The following DOK6 variants were observed in gnomAD, a reference collection of about 807,000 sequenced individuals.
The protein encoded by DOK6 is downstream of tyrosine kinase 6.
DOK6 carries 22 observed loss-of-function variants against 44.0 expected under a neutral mutation model. The observed-to-expected ratio is 0.50, with a 90% CI of 0.36 to 0.71. The LOEUF (loss-of-function observed/expected upper bound fraction) is 0.71, where lower values mean the gene tolerates loss of function less well. DOK6 is among the 30% of genes least tolerant of loss of function. DOK6 has a pLI of 0.00. For synonymous variants in DOK6, 166 were observed against 145.5 expected (o/e 1.14, Z -1.01); for missense variants, 340 against 416.4 (o/e 0.82, Z 1.60).
chr18:69,408,553 G>T (rs1442794675), intron 1 of DOK6, among the ~76,000 whole-genome samples: 1 of 151,994 alleles, frequency 6.6e-6, no homozygotes, highest in East Asian at 1.9e-4. Flanking sequence ...CTTTATTTAT[G>T]GAAGATGATA....
chr18:69,705,417 G>A (rs982378495), intron 5 of DOK6, among the ~76,000 whole-genome samples: 2 of 152,026 alleles, frequency 1.3e-5, no homozygotes, highest in African/African-American at 4.8e-5. Flanking sequence ...TGCTCTGATT[G>A]TTTATTTCTT....
rs1198897594 is a variant in DOK6, at chr18:69,446,254, T to G, written c.66+44944T>G. On this transcript the variant is annotated intron_variant, in intron 1 of 7. Transcript: ENST00000382713. Reference sequence around the variant, plus strand: ...CCAGTGTGTGATGTTCCCCTTCCTGTGTCCAAGTGTTCTCATTGTTCAATT... The same window carrying G: ...CCAGTGTGTGATGTTCCCCTTCCTGGGTCCAAGTGTTCTCATTGTTCAATT... Among the ~76,000 whole-genome samples, 3 of 135,942 alleles carry G rather than the reference T, an allele frequency of 2.2e-5. No individual in the cohort carries two copies. The East Asian group carries it at 7.2e-4, about 32-fold the overall frequency. 89.2% of individuals were successfully genotyped at this position (135,942 alleles called of 152,430 possible). A position where few individuals can be genotyped will look rare whatever the true frequency, so the allele number is the denominator to read the frequency against.
intron 7 of DOK6, among the ~76,000 whole-genome samples, chr18:69,832,285 T>C (rs2217904): frequency 0.86 from 131,579 of 152,146 alleles, 58,805 homozygotes; most frequent in Non-Finnish European, 0.98. Context: ...TCTATTAAAA[T>C]GATCTAGTTT....
chr18:69,425,962 G>C (rs553994838), intron 1 of DOK6, among the ~76,000 whole-genome samples: 1 of 152,100 alleles, frequency 6.6e-6, no homozygotes, highest in East Asian at 1.9e-4. Flanking sequence ...AAATCGCAAA[G>C]ATATTCTCTT....
intron 1 of DOK6, among the ~76,000 whole-genome samples, chr18:69,490,214 A>C (rs1980698097): frequency 6.6e-6 from 1 of 152,206 alleles, no homozygotes; most frequent in East Asian, 1.9e-4. Flanking sequence ...ACTTCTTCTC[A>C]GTGGTGAAAC....
intron 7 of DOK6, among the ~76,000 whole-genome samples, chr18:69,811,827 A>G (rs1320369100): frequency 2.0e-5 from 3 of 151,838 alleles, no homozygotes; most frequent in African/African-American, 7.3e-5. Context: ...GTCAGAAGGA[A>G]CCTCAGATCT....
chr18:69,595,478 T>C (rs1223508363), intron 2 of DOK6, among the ~76,000 whole-genome samples: 1 of 152,216 alleles, frequency 6.6e-6, no homozygotes, highest in African/African-American at 2.4e-5. Context: ...GAACATCATC[T>C]TGTCTCTTCT....
Position 69,842,861 on chromosome 18 carries a change from A to C in DOK6, c.*1478A>C, listed in dbSNP as rs1459520094. ...ATACTCTAGGGTGGGTTTAAAGAACAGTGAGCTCAGGTCACGCAAGATGAA... is the reference window on the plus strand; with the variant it reads ...ATACTCTAGGGTGGGTTTAAAGAACCGTGAGCTCAGGTCACGCAAGATGAA... On this transcript the variant is annotated 3_prime_UTR_variant, in exon 8 of 8. Transcript: ENST00000382713. 1 of 152,198 alleles carries C rather than the reference A, an allele frequency of 6.6e-6. No individual in the cohort carries two copies. The highest frequency in any genetic ancestry group is 2.4e-5 in the African/African-American group (1 of 41,448). 9.4% of individuals were successfully genotyped at this position (152,198 alleles called of 1,614,324 possible).
At chr18:69,526,045 A>G (rs145128146) in intron 1 of DOK6, among the ~76,000 whole-genome samples, 4 of 152,202 alleles carry the variant, frequency 2.6e-5, no homozygotes, top group African/African-American at 7.2e-5. Flanking sequence ...ATACTCCTAC[A>G]TCCCTCATTA....
At chr18:69,704,476 T>TC (rs1986589670) in intron 5 of DOK6, among the ~76,000 whole-genome samples, 1 of 11,356 alleles carries the variant, frequency 8.8e-5, no homozygotes, top group African/African-American at 2.5e-4. Flanking sequence ...CAGATATGAC[T>TC]TTTTTTTTTT....
At chr18:69,403,826 C>A (rs1916147546) in intron 1 of DOK6, among the ~76,000 whole-genome samples, 1 of 152,108 alleles carries the variant, frequency 6.6e-6, no homozygotes, top group South Asian at 2.1e-4. Flanking sequence ...TACCCCAAAT[C>A]ATAAAAATTG....
chr18:69,797,692 T>C (rs1980785564), intron 7 of DOK6, among the ~76,000 whole-genome samples: 1 of 152,166 alleles, frequency 6.6e-6, no homozygotes, highest in Non-Finnish European at 1.5e-5. Flanking sequence ...CTTACTGTTT[T>C]CTATTTGATG....
rs188660228 is a variant in DOK6 at position 69,555,157 on chromosome 18, T to C, written c.67-9330T>C. Among the ~76,000 whole-genome samples the C allele has an allele frequency of 6.0e-4, 91 of 152,330 alleles. 2 individuals are homozygous for C. Among genetic ancestry groups the C allele is most frequent in the African/African-American group, 2.0e-3 (85 of 41,570 alleles). ...TATTTTATCTTACAATAATGTTTTGTGTCTTATTTTTCTCTACTTTGAAAT... is the reference window on the plus strand; with the variant it reads ...TATTTTATCTTACAATAATGTTTTGCGTCTTATTTTTCTCTACTTTGAAAT... On this transcript the variant is annotated intron_variant, in intron 1 of 7. Transcript: ENST00000382713.
At chr18:69,748,194 C>T (rs975887335) in intron 6 of DOK6, among the ~76,000 whole-genome samples, 1 of 152,116 alleles carries the variant, frequency 6.6e-6, no homozygotes, top group Non-Finnish European at 1.5e-5. Flanking sequence ...GAAGAGCTAA[C>T]TATTCTAAAT....
At chr18:69,584,962 A>G (rs1358105201) in intron 2 of DOK6, among the ~76,000 whole-genome samples, 3 of 151,584 alleles carry the variant, frequency 2.0e-5, no homozygotes, top group Non-Finnish European at 4.4e-5. Flanking sequence ...TCTTTCATCT[A>G]GCTTGCCAGA....
intron 1 of DOK6, among the ~76,000 whole-genome samples, chr18:69,538,832 T>C (rs992465902): frequency 1.3e-5 from 2 of 152,068 alleles, no homozygotes; most frequent in African/African-American, 4.8e-5. Flanking sequence ...CCTCCCTTCT[T>C]CTTGGATCCC....
intron 4 of DOK6, 92 bp downstream of exon 4, chr18:69,677,945 A>G: frequency 6.8e-7 from 1 of 1,477,266 alleles, no homozygotes; most frequent in East Asian, 2.5e-5. Context: ...TTTCAGACCA[A>G]TCATATTTTT....
chr18:69,656,043 A>G (rs1985360223), intron 3 of DOK6, among the ~76,000 whole-genome samples: 1 of 152,138 alleles, frequency 6.6e-6, no homozygotes, highest in African/African-American at 2.4e-5. Flanking sequence ...GTCAACAAGT[A>G]GACACATAAT....
At chr18:69,520,206 G>A (rs1981647058) in intron 1 of DOK6, among the ~76,000 whole-genome samples, 1 of 151,600 alleles carries the variant, frequency 6.6e-6, no homozygotes, top group Non-Finnish European at 1.5e-5. Flanking sequence ...TGTTCCTGAA[G>A]ACTCTTTAAA....
Sources: gnomAD v4.1 joint callset for allele counts (sites outside exome capture counted in the v4.1 genomes callset) on GRCh38, gnomAD v4.1.1 for gene constraint, MANE v1.5 for transcripts, NCBI Gene and HGNC (gene_info 2026-07-23, HGNC 2026-07-21) for gene names.